RAD51B: variants seen among roughly 807,000 people sequenced by gnomAD.
RAD51B encodes the protein DNA repair protein RAD51 homolog 2.
Under a neutral mutation model 42.2 loss-of-function variants are expected in RAD51B, and 38 were observed. That is an observed-to-expected ratio of 0.90 (90% CI 0.70 to 1.18). The LOEUF (loss-of-function observed/expected upper bound fraction) is 1.18, where lower values mean the gene tolerates loss of function less well. Ranked by LOEUF, RAD51B falls within the 50% of genes most tolerant of loss-of-function variation. The pLI is 0.00. For synonymous variants in RAD51B, 154 were observed against 145.2 expected (o/e 1.06, Z -0.43); for missense variants, 373 against 400.7 (o/e 0.93, Z 0.59).
intron 7 of RAD51B, among the ~76,000 whole-genome samples, chr14:68,135,903 G>A (rs1042146413): frequency 3.3e-5 from 5 of 152,096 alleles, no homozygotes; most frequent in Non-Finnish European, 2.9e-5. Flanking sequence ...AAAGTCCACC[G>A]TTCACCATAT....
chr14:68,427,889 A>G (rs377721172), intron 9 of RAD51B, among the ~76,000 whole-genome samples: 57 of 152,354 alleles, frequency 3.7e-4, no homozygotes, highest in East Asian at 1.2e-3. Context: ...CTTAATGACC[A>G]TTGTGATAGT....
At chr14:68,382,035 G>A (rs2083488882) in intron 8 of RAD51B, among the ~76,000 whole-genome samples, 1 of 152,240 alleles carries the variant, frequency 6.6e-6, no homozygotes, top group African/African-American at 2.4e-5. Context: ...GGATGGATAT[G>A]TAGAGAAAAG....
chr14:68,131,199 A>C (rs1378527783), intron 7 of RAD51B, among the ~76,000 whole-genome samples: 2 of 152,228 alleles, frequency 1.3e-5, no homozygotes, highest in African/African-American at 4.8e-5. Flanking sequence ...CTGAAACCAC[A>C]TCAAGCCTAA....
chr14:67,974,316 A>G (rs17104824), intron 7 of RAD51B, among the ~76,000 whole-genome samples: 9,015 of 152,140 alleles, frequency 0.059, 619 homozygotes, highest in African/African-American at 0.17. Flanking sequence ...TTCAAAAATG[A>G]TAGATGGTAC....
At chr14:68,274,163 C>T (rs2081175899) in intron 7 of RAD51B, among the ~76,000 whole-genome samples, 1 of 152,102 alleles carries the variant, frequency 6.6e-6, no homozygotes, top group South Asian at 2.1e-4. Context: ...CTCATGTTTT[C>T]TATGGACGAT....
intron 10 of RAD51B, chr14:68,541,568 G>A (rs899526369): frequency 1.2e-5 from 12 of 985,294 alleles, no homozygotes; most frequent in African/African-American, 1.7e-5. Flanking sequence ...GATGGCATGC[G>A]GTATTCCTTG....
chr14:68,573,042 A>T (rs1889788563), intron 10 of RAD51B, among the ~76,000 whole-genome samples: 1 of 152,088 alleles, frequency 6.6e-6, no homozygotes, highest in Non-Finnish European at 1.5e-5. Flanking sequence ...GAGTGTCATC[A>T]TCCCTCACAT....
intron 9 of RAD51B, among the ~76,000 whole-genome samples, chr14:68,464,887 C>G (rs2085934459): frequency 6.6e-6 from 1 of 152,190 alleles, no homozygotes; most frequent in Non-Finnish European, 1.5e-5. Context: ...AAGGACAGTG[C>G]ATTAATCAGT....
chr14:67,920,464 T>C (rs1457004172), intron 7 of RAD51B, among the ~76,000 whole-genome samples: 1 of 152,214 alleles, frequency 6.6e-6, no homozygotes, highest in Non-Finnish European at 1.5e-5. Flanking sequence ...GTATTTCTCT[T>C]ATATAAATAT....
In RAD51B at chr14:68,668,768, G is replaced by A. The variant is rs143060886; in HGVS notation, c.*11+17912G>A. 3.9e-5 allele frequency among the ~76,000 whole-genome samples: 6 copies of A among 152,318 alleles called. No individual in the cohort carries two copies. In the East Asian group the frequency reaches 1.2e-3, roughly 29 times the overall value. Reference sequence around the variant, plus strand: ...CTGATCCGTGACATCTCTCCCAATCGCTGGTTAAATGACCTCAGACACCTG... The same window carrying A: ...CTGATCCGTGACATCTCTCCCAATCACTGGTTAAATGACCTCAGACACCTG... On this transcript the variant is annotated intron_variant, in intron 11 of 11. Coordinates refer to the RAD51B transcript ENST00000488612.
At chr14:68,217,705 A>G (rs1281664699) in intron 7 of RAD51B, among the ~76,000 whole-genome samples, 1 of 152,236 alleles carries the variant, frequency 6.6e-6, no homozygotes, top group Non-Finnish European at 1.5e-5. Context: ...TAAATTTAAT[A>G]TAAGCCTGAC....
intron 10 of RAD51B, among the ~76,000 whole-genome samples, chr14:68,561,757 G>A (rs1306990161): frequency 6.6e-6 from 1 of 152,232 alleles, no homozygotes. Flanking sequence ...ATCATTCTGA[G>A]ACGGGAGCTC....
chr14:68,250,122 T>C (rs995427492), intron 7 of RAD51B, among the ~76,000 whole-genome samples: 1 of 152,258 alleles, frequency 6.6e-6, no homozygotes, highest in African/African-American at 2.4e-5. Flanking sequence ...AACTTTAGTC[T>C]GGCTTGGCTC....
intron 7 of RAD51B, among the ~76,000 whole-genome samples, chr14:68,147,834 T>C (rs1409427698): frequency 6.6e-6 from 1 of 151,216 alleles, no homozygotes; most frequent in African/African-American, 2.4e-5. Flanking sequence ...TATTGAGTTA[T>C]AACTGACATC....
chr14:68,508,514 C>G (rs753550399), intron 10 of RAD51B, among the ~76,000 whole-genome samples: 4 of 152,340 alleles, frequency 2.6e-5, no homozygotes, highest in Non-Finnish European at 5.9e-5. Flanking sequence ...GCGTGGCACC[C>G]TGCTTGTCTA....
At chr14:68,478,278 T>A (rs978587219), downstream of RAD51B, among the ~76,000 whole-genome samples, 13 of 152,130 alleles carry the variant, frequency 8.5e-5, no homozygotes, top group African/African-American at 3.1e-4. Flanking sequence ...GGAGCATGTA[T>A]GGTATTAGTG....
At chr14:68,444,809 G>A (rs967283779) in intron 9 of RAD51B, among the ~76,000 whole-genome samples, 40 of 152,186 alleles carry the variant, frequency 2.6e-4, no homozygotes, top group Non-Finnish European at 4.6e-4. Context: ...TGGTGATGGG[G>A]GGGCATATTT....
intron 9 of RAD51B, among the ~76,000 whole-genome samples, chr14:68,429,304 G>A (rs1416804190): frequency 1.3e-5 from 2 of 152,128 alleles, no homozygotes; most frequent in Non-Finnish European, 2.9e-5. Context: ...GGTATATCTA[G>A]TTCTAGATCC....
chr14:67,873,713 A>T lies in RAD51B; in HGVS notation c.452+8574A>T, dbSNP rs549582027. Among the ~76,000 whole-genome samples, 570 of 147,516 alleles carry T rather than the reference A, an allele frequency of 3.9e-3. 3 individuals carry two copies. Among genetic ancestry groups the T allele is most frequent in the Non-Finnish European group, 5.3e-3 (356 of 66,658 alleles). ...CAAATGTCCAACAATGATAGACTGG[A>T]TTAAGAAAGCGTGGCACATATACAC... On this transcript the variant is annotated intron_variant, in intron 5 of 10. Transcript: ENST00000471583.
Sources: gnomAD v4.1 joint callset for allele counts (sites outside exome capture counted in the v4.1 genomes callset) on GRCh38, gnomAD v4.1.1 for gene constraint, MANE v1.5 for transcripts, NCBI Gene and HGNC (gene_info 2026-07-23, HGNC 2026-07-21) for gene names.